The following ANKRD52 variants were observed in gnomAD, a reference collection of about 807,000 sequenced individuals.
The protein encoded by ANKRD52 is ankyrin repeat domain 52.
A neutral mutation model predicts 116.0 loss-of-function variants in ANKRD52; 7 were observed. The ratio of observed to expected loss-of-function variants is 0.06; its 90% CI spans 0.03 to 0.11. ANKRD52 has a LOEUF of 0.11. Among genes scored for constraint, ANKRD52 ranks in the 10% least tolerant of loss-of-function variants. The pLI is 1.00. For synonymous variants in ANKRD52, 528 were observed against 578.1 expected (o/e 0.91, Z 1.24); for missense variants, 839 against 1,408.6 (o/e 0.60, Z 6.47).
chr12:56,247,462 T>A, intron 20 of ANKRD52, 31 bp downstream of exon 20: 3 of 1,533,764 alleles, frequency 2.0e-6, no homozygotes, highest in Non-Finnish European at 2.7e-6. Context: ...GAGGCCCATG[T>A]GCAAACAATC....
chr12:56,253,072 T>A lies in ANKRD52; in HGVS notation c.1115A>T (p.Asp372Val). 1 of 1,580,048 alleles carries A rather than the reference T, an allele frequency of 6.3e-7. No individual in the cohort carries two copies. Among genetic ancestry groups the A allele is most frequent in the Non-Finnish European group, 8.6e-7 (1 of 1,163,348 alleles). Residue 372 changes from aspartate to valine, a missense_variant, in exon 11 of 28, where the codon GAC becomes GTC. This residue lies in a region of ANKRD52 where 287 missense variants were observed against 598.1 expected (regional missense o/e 0.48). Transcript: ENST00000267116. This position sits in a 1 kb window ranked among gnomAD's most constrained non-coding sequence, Gnocchi z 5.5. The stretch of plus-strand genomic sequence containing the variant: ...AACAGCTAAGTGCAGGGGGAACATG[T>A]CATGGATGCCACGCCTAGAGAGAAG... ...GADTARRGIHDMFPLHLAVLF... is the reference protein window; with the variant it reads ...GADTARRGIHVMFPLHLAVLF...
chr12:56,253,314 G>A lies in ANKRD52; in HGVS notation c.1074C>T (p.Leu358=), dbSNP rs764895028. The change falls in exon 10 of 28, where the codon CTC becomes CTT. Residue 358 remains leucine (L), a synonymous_variant. Coordinates refer to ENST00000267116, the MANE Select transcript of ANKRD52 (RefSeq NM_173595.4). The surrounding 1 kb of genome is among the most constrained non-coding windows in gnomAD (Gnocchi z 5.5). ...GGGCGGTATCTGCGCCATTGGTCAT[G>A]AGGGTGCTGATGAGCAGCTCGTGTC... ...RYGHELLIST[L]MTNGADTARR... is the part of the protein sequence containing the mutation. 6.2e-6 allele frequency: 10 copies of A among 1,613,802 alleles called. No homozygotes were observed. Among genetic ancestry groups the A allele is most frequent in the Middle Eastern group, 1.7e-4 (1 of 6,006 alleles).
In ANKRD52 at chr12:56,247,607, G is replaced by A. The variant is rs746673064; in HGVS notation, c.2070C>T (p.Thr690=). 6 of 1,591,020 alleles carry A rather than the reference G, an allele frequency of 3.8e-6. No homozygotes were observed. The highest frequency in any genetic ancestry group is 5.1e-6 in the Non-Finnish European group (6 of 1,167,922). The change falls in exon 20 of 28, where the codon ACC becomes ACT. Residue 690 remains threonine, a synonymous_variant. Coordinates refer to ENST00000267116, the MANE Select transcript of ANKRD52 (RefSeq NM_173595.4). ...ITDVMDAYGQ[T]PLMLAIMNGH... is the part of the protein sequence containing the mutation. ...CATTCATGATGGCCAGCATCAGTGG[G>A]GTCCTACAGAAGGGCAGGAGGAGGA...
intron 15 of ANKRD52, among the ~76,000 whole-genome samples, chr12:56,251,699 C>T (rs1362550184): frequency 6.9e-6 from 1 of 144,446 alleles, no homozygotes; most frequent in Non-Finnish European, 1.5e-5. Context: ...GATCACACCA[C>T]TGCATTCCAG....
chr12:56,254,834 A>C lies in ANKRD52; in HGVS notation c.550+31T>G, dbSNP rs776974867. The C allele has an allele frequency of 6.2e-7, 1 of 1,607,022 alleles. No homozygotes were observed. The highest frequency in any genetic ancestry group is 1.3e-5 in the African/African-American group (1 of 74,812). On this transcript the variant is annotated intron_variant, in intron 6 of 27. Coordinates refer to ENST00000267116, the MANE Select transcript of ANKRD52 (RefSeq NM_173595.4). This position sits in a 1 kb window ranked among gnomAD's most constrained non-coding sequence, Gnocchi z 4.6. Reference sequence around the variant, plus strand: ...CTGCCCTAGGAATCCTAAATGTCAAATTTCTGATTTTCCCGTGTATTCTCT... The same window carrying C: ...CTGCCCTAGGAATCCTAAATGTCAACTTTCTGATTTTCCCGTGTATTCTCT...
In ANKRD52 at chr12:56,248,952, C is replaced by T. The variant is rs1158436008; in HGVS notation, c.1593-82G>A. 1.7e-5 allele frequency: 17 copies of T among 988,834 alleles called. No individual in the cohort carries two copies. The highest frequency in any genetic ancestry group is 2.5e-5 in the Non-Finnish European group (17 of 679,570). 61.3% of individuals were successfully genotyped at this position (988,834 alleles called of 1,614,324 possible). A position where few individuals can be genotyped will look rare whatever the true frequency, so the allele number is the denominator to read the frequency against. ...GTTCTGGGAGGGCCAGAGGAGAGGA[C>T]CAAGGCCCTCCAGGCCTACCTGGCC... On this transcript the variant is annotated intron_variant, in intron 15 of 27. Transcript: ENST00000267116. This position sits in a 1 kb window ranked among gnomAD's most constrained non-coding sequence, Gnocchi z 5.1.
chr12:56,245,208 A>G lies in ANKRD52; in HGVS notation c.2405-18T>C. On this transcript the variant is annotated intron_variant, in intron 21 of 27. Coordinates refer to ENST00000267116, the MANE Select transcript of ANKRD52 (RefSeq NM_173595.4). ...TTCATGTCCTGGGCACGAGGAAGGA[A>G]GAGTAGTGATGGAGAAAAACGGCAA... 6.2e-7 allele frequency: 1 copy of G among 1,613,650 alleles called. No individual in the cohort carries two copies. Among genetic ancestry groups the G allele is most frequent in the African/African-American group, 1.3e-5 (1 of 75,046 alleles).
chr12:56,258,126 G>A, intron 1 of ANKRD52, 117 bp downstream of exon 1: 1 of 1,502,474 alleles, frequency 6.7e-7, no homozygotes, highest in Non-Finnish European at 9.0e-7. Flanking sequence ...CATGGGGCGG[G>A]GCGGGAGCTG....
Position 56,257,834 on chromosome 12 carries a change from A to T in ANKRD52, c.105T>A (p.Asn35Lys), listed in dbSNP as rs79310796. The change falls in exon 2 of 28, where the codon AAT becomes AAA. Residue 35 changes from asparagine (N) to lysine (K), a missense_variant. By Grantham distance (94) the Asn-to-Lys change is moderately conservative. Around this residue, in one of 2 missense-constraint regions of ANKRD52, gnomAD observed 287 missense variants for 598.1 expected, o/e 0.48. Transcript: ENST00000267116. ...CTCCCTGCTCCCAACTCACCAGCAC[A>T]TTGATGTTCTCCTTCTGCGAGAGTA... ...RSLLSQKENINVLDQERRTPL... is the reference protein window; with the variant it reads ...RSLLSQKENIKVLDQERRTPL... 5.6e-5 allele frequency: 90 copies of T among 1,613,622 alleles called. No homozygotes were observed. The highest frequency in any genetic ancestry group is 7.4e-5 in the Non-Finnish European group (87 of 1,179,828).
chr12:56,248,713 G>GCCCTGC lies in ANKRD52; in HGVS notation c.1704+40_1704+45dup. ...TAGTTTTGGAATCCACAAACCCTGT[G>GCCCTGC]CCCTGCCCCTGCCTCCCCTCCTGCA... On this transcript the variant is annotated intron_variant, in intron 16 of 27. Transcript: ENST00000267116. This position sits in a 1 kb window ranked among gnomAD's most constrained non-coding sequence, Gnocchi z 5.1. 6.5e-7 allele frequency: 1 copy of GCCCTGC among 1,543,336 alleles called. No homozygotes were observed. The highest frequency in any genetic ancestry group is 1.2e-5 in the South Asian group (1 of 85,652).
intron 4 of ANKRD52, among the ~76,000 whole-genome samples, chr12:56,256,810 C>T (rs1437654625): frequency 6.6e-6 from 1 of 152,204 alleles, no homozygotes; most frequent in African/African-American, 2.4e-5. Context: ...CAGTGTTAAG[C>T]TCTTCCTGAG....
At position 56,255,938 on chromosome 12, in the gene ANKRD52, C is replaced by T. The variant is rs866361350; in HGVS notation, c.308G>A (p.Arg103Gln). The change falls in exon 5 of 28, where the codon CGG (arginine) becomes CAG (glutamine). Residue 103 changes from arginine to glutamine, a missense_variant. Physicochemically the swap from Arg to Gln is conservative, Grantham distance 43 (BLOSUM62 1). Transcript: ENST00000267116. This position sits in a 1 kb window ranked among gnomAD's most constrained non-coding sequence, Gnocchi z 4.3. ...LLAHSADVNA[R>Q]DKLWQTPLHV... ...CAGTGGTGTCTGCCACAGCTTGTCC[C>T]GGGCATTCACATCTGCTGAATGTGC... 1.0e-5 allele frequency: 16 copies of T among 1,575,202 alleles called. No homozygotes were observed. Among genetic ancestry groups the T allele is most frequent in the Middle Eastern group, 1.7e-4 (1 of 6,026 alleles).
Position 56,254,771 on chromosome 12 carries a change from C to T in ANKRD52, c.551-51G>A. On this transcript the variant is annotated intron_variant, in intron 6 of 27. Coordinates refer to ENST00000267116, the MANE Select transcript of ANKRD52 (RefSeq NM_173595.4). The surrounding 1 kb of genome is among the most constrained non-coding windows in gnomAD (Gnocchi z 4.6). ...GGAAGTAGAAGGTAAACTCTAAGACCCTACACTCCTCTCTTCAAAGGCTGC... is the reference window on the plus strand; with the variant it reads ...GGAAGTAGAAGGTAAACTCTAAGACTCTACACTCCTCTCTTCAAAGGCTGC... 6.3e-7 allele frequency: 1 copy of T among 1,599,642 alleles called. No homozygotes were observed. Among genetic ancestry groups the T allele is most frequent in the African/African-American group, 1.3e-5 (1 of 74,740 alleles).
rs201426928 is a variant in ANKRD52, at chr12:56,255,193, C to CTTT, written c.463-244_463-242dup. The CTTT allele has an allele frequency of 1.0e-4, 26 of 253,978 alleles. No homozygotes were observed. Among genetic ancestry groups the CTTT allele is most frequent in the Middle Eastern group, 1.3e-3 (1 of 768 alleles). The allele number at this position is 253,978 out of a possible 1,614,324, so 15.7% of individuals were successfully genotyped here. On this transcript the variant is annotated intron_variant, in intron 5 of 27. Transcript: ENST00000267116. This position sits in a 1 kb window ranked among gnomAD's most constrained non-coding sequence, Gnocchi z 4.3. ...CAGGTGATCTGGTGGTTCTTAAACT[C>CTTT]TTTTTTTTTTTTTTTTTGAGACAGT...
In ANKRD52 at chr12:56,254,688, G is replaced by A. The variant is rs565915668; in HGVS notation, c.583C>T (p.Arg195Trp). ...TCCTTGCAGCCGAGGTCTGCTCCCCGTGCCACCAGCAGTTTTAGGACCTCC... is the reference window on the plus strand; with the variant it reads ...TCCTTGCAGCCGAGGTCTGCTCCCCATGCCACCAGCAGTTTTAGGACCTCC... ...HLEVLKLLVA[R>W]GADLGCKDRK... Residue 195 changes from arginine to tryptophan, a missense_variant, in exon 7 of 28, where the codon CGG becomes TGG. This residue lies in a region of ANKRD52 where 287 missense variants were observed against 598.1 expected (regional missense o/e 0.48). Coordinates refer to ENST00000267116, the MANE Select transcript of ANKRD52 (RefSeq NM_173595.4). This position sits in a 1 kb window ranked among gnomAD's most constrained non-coding sequence, Gnocchi z 4.6. The A allele has an allele frequency of 6.2e-5, 100 of 1,612,810 alleles. 1 individual carries two copies. The South Asian group carries it at 6.8e-4, about 11-fold the overall frequency.
intron 2 of ANKRD52, 52 bp downstream of exon 2, chr12:56,257,776 G>C: frequency 3.8e-6 from 6 of 1,581,584 alleles, no homozygotes; most frequent in Non-Finnish European, 4.3e-6. Context: ...GAGGGGTCCA[G>C]AACACGGGAG....
At position 56,243,417 on chromosome 12, in the gene ANKRD52, A is replaced by G. The variant is rs776769819; in HGVS notation, c.2981-25T>C. On this transcript the variant is annotated intron_variant, in intron 27 of 27. Transcript: ENST00000267116. The surrounding 1 kb of genome is among the most constrained non-coding windows in gnomAD (Gnocchi z 4.6). ...CCTGCAGGGCCAAGGGGGAGAACTG[A>G]GGCATAGAGTCCTGTATCCTAGCCA... 1 of 1,610,368 alleles carries G rather than the reference A, an allele frequency of 6.2e-7. No individual in the cohort carries two copies. The highest frequency in any genetic ancestry group is 1.7e-5 in the Admixed American group (1 of 59,506).
chr12:56,253,123 G>A lies in ANKRD52; in HGVS notation c.1101-37C>T, dbSNP rs1350092814. 6 of 1,524,198 alleles carry A rather than the reference G, an allele frequency of 3.9e-6. No homozygotes were observed. In the South Asian group the frequency reaches 7.6e-5, roughly 19 times the overall value. 94.4% of individuals were successfully genotyped at this position (1,524,198 alleles called of 1,614,324 possible). ...TTGAGGGACTCAGTCCTTGGGTCAA[G>A]GAGGGACCAAGTAAGACCTCTTCTG... On this transcript the variant is annotated intron_variant, in intron 10 of 27. Coordinates refer to ENST00000267116, the MANE Select transcript of ANKRD52 (RefSeq NM_173595.4). This position sits in a 1 kb window ranked among gnomAD's most constrained non-coding sequence, Gnocchi z 5.5.
In ANKRD52 at chr12:56,244,435, T is replaced by C; in HGVS notation, c.2723A>G (p.Glu908Gly). 6.2e-7 allele frequency: 1 copy of C among 1,613,940 alleles called. No homozygotes were observed. Among genetic ancestry groups the C allele is most frequent in the Non-Finnish European group, 8.5e-7 (1 of 1,179,880 alleles). The change falls in exon 25 of 28, where the codon GAA becomes GGA. Residue 908 changes from glutamate (E) to glycine (G), a missense_variant and splice_region_variant. Transcript: ENST00000267116. This position sits in a 1 kb window ranked among gnomAD's most constrained non-coding sequence, Gnocchi z 4.9. Reference protein sequence around the residue: ...AAENGQTAAVEFLLYRGKADL... With the variant: ...AAENGQTAAVGFLLYRGKADL... Reference sequence around the variant, plus strand: ...TGCCTTCCCTCGATACAGCAGAAATTCTACGAGAGAAATGTGATAGAGGGA... The same window carrying C: ...TGCCTTCCCTCGATACAGCAGAAATCCTACGAGAGAAATGTGATAGAGGGA...
Sources: gnomAD v4.1 joint callset for allele counts (sites outside exome capture counted in the v4.1 genomes callset) on GRCh38, gnomAD v4.1.1 for gene constraint, gnomAD v4.1.1 regional missense constraint, Gnocchi (gnomAD v3.1) non-coding constraint, MANE v1.5 for transcripts, NCBI Gene and HGNC (gene_info 2026-07-23, HGNC 2026-07-21) for gene names.